Variants in SEMA4G observed in about 807,000 individuals in gnomAD.
SEMA4G encodes semaphorin 4G, also known as semaphorin-4G.
SEMA4G carries 59 observed loss-of-function variants against 81.2 expected under a neutral mutation model. The ratio of observed to expected loss-of-function variants is 0.73; its 90% CI spans 0.59 to 0.90. The LOEUF is 0.90. Ranked by LOEUF, SEMA4G falls within the 40% of genes least tolerant of loss-of-function variation. The pLI is 0.00. For synonymous variants in SEMA4G, 404 were observed against 433.9 expected, an observed-to-expected ratio of 0.93 and a Z score of 0.86; for missense variants, 952 against 1,102.3, an observed-to-expected ratio of 0.86 and a Z score of 1.93.
At chr10:100,978,721 A>G in intron 6 of SEMA4G, 81 bp downstream of exon 7, 2 of 1,550,246 alleles carry the variant, frequency 1.3e-6, no homozygotes, top group South Asian at 2.3e-5. Context: ...TGACCACCCC[A>G]CCCCCAAATC....
At chr10:100,984,875 G>GTCAT, downstream of SEMA4G, 1 of 1,480,532 alleles carries the variant, frequency 6.8e-7, no homozygotes, top group Non-Finnish European at 9.0e-7. Flanking sequence ...ACTCTCCTTG[G>GTCAT]TCATTCTCAA....
rs762073097 is a variant in SEMA4G, at chr10:100,980,565, C to T, written c.1352-13C>T. ...CATAGTTGGGGTCTAACTCTCTGCT[C>T]TTTCCATACCAGCTGATGGCTGGAT... On this transcript the variant is annotated splice_polypyrimidine_tract_variant and intron_variant, in intron 10 of 13. Coordinates refer to ENST00000370250, the Ensembl canonical transcript of SEMA4G. The T allele has an allele frequency of 6.8e-6, 11 of 1,610,340 alleles. No homozygotes were observed. The highest frequency in any genetic ancestry group is 9.3e-6 in the Non-Finnish European group (11 of 1,176,720).
Position 100,973,395 on chromosome 10 carries a change from C to T in SEMA4G, c.273+118C>T. 1 of 1,415,784 alleles carries T rather than the reference C, an allele frequency of 7.1e-7. No homozygotes were observed. The highest frequency in any genetic ancestry group is 9.7e-7 in the Non-Finnish European group (1 of 1,029,744). 87.7% of individuals were successfully genotyped at this position (1,415,784 alleles called of 1,614,324 possible). A position where few individuals can be genotyped will look rare whatever the true frequency, so the allele number is the denominator to read the frequency against. On this transcript the variant is annotated intron_variant, in intron 2 of 13. Transcript: ENST00000370250. This position sits in a 1 kb window ranked among gnomAD's most constrained non-coding sequence, Gnocchi z 5.5. ...TAGCCCCCTGGTCAGACAGCACTGC[C>T]CTTCCCAGCCCAGGTGTTCCTTGCA...
chr10:100,981,273 C>G (rs1851058403), intron 13 of SEMA4G, 44 bp downstream of exon 14: 2 of 1,606,284 alleles, frequency 1.2e-6, no homozygotes, highest in Non-Finnish European at 1.7e-6. Context: ...GCAGACTGTC[C>G]TCTTTGCCAT....
intron 13 of SEMA4G, chr10:100,981,574 G>A (rs1429053922): frequency 6.2e-7 from 1 of 1,612,184 alleles, no homozygotes; most frequent in Non-Finnish European, 8.5e-7. Context: ...AATCATCACA[G>A]CTAAGATGTA....
chr10:100,978,695 T>C (rs1850912112), intron 6 of SEMA4G, 55 bp downstream of exon 7: 1 of 1,579,788 alleles, frequency 6.3e-7, no homozygotes, highest in African/African-American at 1.4e-5. Flanking sequence ...TCTTCATTTT[T>C]ACTCCCTTGG....
chr10:100,985,136 G>C, downstream of SEMA4G: 1 of 437,572 alleles, frequency 2.3e-6, no homozygotes, highest in South Asian at 6.9e-5. Context: ...CTCTCTTTTG[G>C]GGGAATCAAG....
At chr10:100,975,212 T>C (rs1669882643) in intron 3 of SEMA4G, 2 of 351,208 alleles carry the variant, frequency 5.7e-6, no homozygotes. Flanking sequence ...CTAACTTTAA[T>C]GTATCACCCA....
chr10:100,977,075 T>G lies in SEMA4G; in HGVS notation c.337-557T>G, dbSNP rs868115193. On this transcript the variant is annotated intron_variant, in intron 3 of 13. Coordinates refer to ENST00000370250, the Ensembl canonical transcript of SEMA4G. ...GCAAGGATGATCCCTGGCTTCTAGG[T>G]TGAGTCGTAGGTTGGATGAAGTGAG... Among the ~76,000 whole-genome samples, 33 of 152,142 alleles carry G rather than the reference T, an allele frequency of 2.2e-4. 1 individual carries two copies. The highest frequency in any genetic ancestry group is 7.7e-4 in the African/African-American group (32 of 41,492).
At chr10:100,980,374 T>C (rs770957322) in intron 10 of SEMA4G, 30 bp downstream of exon 11, 16 of 1,591,550 alleles carry the variant, frequency 1.0e-5, no homozygotes, top group African/African-American at 1.3e-5. Flanking sequence ...CTGATCCCTG[T>C]TGGCCCTGAT....
intron 13 of SEMA4G, chr10:100,981,687 C>A: frequency 1.0e-6 from 1 of 992,838 alleles, no homozygotes; most frequent in Non-Finnish European, 1.5e-6. Context: ...ATTATTATCC[C>A]CATGAGGGAC....
In SEMA4G at chr10:100,984,102, G is replaced by A. The variant is rs375024485; in HGVS notation, c.2488G>A (p.Val830Met). 3.7e-5 allele frequency: 60 copies of A among 1,612,668 alleles called. No homozygotes were observed. The highest frequency in any genetic ancestry group is 1.6e-4 in the Middle Eastern group (1 of 6,080). ...GGAAAAAAGGAAGCACACGCAGCTC[G>A]TGGAGCAGCTAGATGAGAGCTCTGT... The change falls in exon 14 of 14, where the codon GTG becomes ATG. Residue 830 changes from valine to methionine, a missense_variant. By Grantham distance (21) the Val-to-Met change is conservative (BLOSUM62 1). Around this residue, in one of 3 missense-constraint regions of SEMA4G, gnomAD observed 385 missense variants for 413.5 expected, o/e 0.93. Coordinates refer to ENST00000370250, the Ensembl canonical transcript of SEMA4G.
At chr10:100,972,077 A>G (rs114936476), upstream of SEMA4G, among the ~76,000 whole-genome samples, 147 of 152,250 alleles carry the variant, frequency 9.7e-4, no homozygotes, top group African/African-American at 3.4e-3. Context: ...CAGGCCAGGG[A>G]AAAGAAAAAA....
rs973514335 is a variant in SEMA4G at position 100,973,039 on chromosome 10, T to C, written c.124+3T>C. 6.2e-7 allele frequency: 1 copy of C among 1,614,104 alleles called. No individual in the cohort carries two copies. The highest frequency in any genetic ancestry group is 8.5e-7 in the Non-Finnish European group (1 of 1,180,008). ...TCGGATGACCATACCCTATGAAGGT[T>C]AGACCCTCAACCTCAAAAGGCAGCA... On this transcript the variant is annotated splice_donor_region_variant and intron_variant, in intron 1 of 13. Coordinates refer to ENST00000370250, the Ensembl canonical transcript of SEMA4G. This position sits in a 1 kb window ranked among gnomAD's most constrained non-coding sequence, Gnocchi z 5.5.
At chr10:100,976,830 T>C (rs1003548536) in intron 3 of SEMA4G, among the ~76,000 whole-genome samples, 1 of 152,230 alleles carries the variant, frequency 6.6e-6, no homozygotes, top group Non-Finnish European at 1.5e-5. Context: ...TGTACATGTA[T>C]TCATTGACTG....
At chr10:100,977,859 G>C in intron 4 of SEMA4G, 129 bp downstream of exon 5, 2 of 764,322 alleles carry the variant, frequency 2.6e-6, no homozygotes, top group South Asian at 3.1e-5. Context: ...CTTCCATACA[G>C]GGCACTCCAG....
chr10:100,983,503 A>G, exon 14 of SEMA4G: 2 of 1,614,174 alleles, frequency 1.2e-6, no homozygotes, highest in Non-Finnish European at 1.7e-6. Context: ...AGTGGCAACT[A>G]TGGCTGCTAT....
rs1007038634 is a variant in SEMA4G at position 100,973,225 on chromosome 10, G to C, written c.221G>C (p.Gly74Ala). ...GCAAGGCTGCTGGTGGGAGCCCGAG[G>C]TGCCCTGTTCTCTCTCAGTGCCAAC... Residue 74 changes from glycine (G) to alanine (A), a missense_variant, in exon 2 of 14, where the codon GGT (glycine) becomes GCT (alanine). By Grantham distance (60) the Gly-to-Ala change is moderately conservative. Coordinates refer to ENST00000370250, the Ensembl canonical transcript of SEMA4G. This position sits in a 1 kb window ranked among gnomAD's most constrained non-coding sequence, Gnocchi z 5.5. 3 of 1,613,514 alleles carry C rather than the reference G, an allele frequency of 1.9e-6. No individual in the cohort carries two copies. Among genetic ancestry groups the C allele is most frequent in the Non-Finnish European group, 2.5e-6 (3 of 1,180,026 alleles).
At chr10:100,984,551 G>A (rs1851326936) in exon 14 of SEMA4G, 5 of 1,536,026 alleles carry the variant, frequency 3.3e-6, no homozygotes, top group African/African-American at 1.4e-5. Flanking sequence ...CCTGTGTGCT[G>A]GATGGTCCTG....
Sources: allele counts gnomAD v4.1 joint callset (sites outside exome capture counted in the v4.1 genomes callset), GRCh38; gene constraint gnomAD v4.1.1; regional missense constraint gnomAD v4.1.1; non-coding constraint Gnocchi (gnomAD v3.1); transcripts MANE v1.5; gene names NCBI Gene and HGNC (gene_info 2026-07-23, HGNC 2026-07-21).